INPP4B: variants seen among roughly 807,000 people sequenced by gnomAD.
The protein encoded by INPP4B is inositol polyphosphate 4-phosphatase type II.
Under a neutral mutation model 122.5 loss-of-function variants are expected in INPP4B, and 55 were observed. The ratio of observed to expected loss-of-function variants is 0.45; its 90% CI spans 0.36 to 0.56. The LOEUF (loss-of-function observed/expected upper bound fraction) is 0.56. Ranked by LOEUF, INPP4B falls within the 20% of genes least tolerant of loss-of-function variation. INPP4B has a pLI of 0.00. For synonymous variants in INPP4B, 403 were observed against 388.7 expected, an observed-to-expected ratio of 1.04 and a Z score of -0.43; for missense variants, 1,000 against 1,097.7, an observed-to-expected ratio of 0.91 and a Z score of 1.26.
intron 7 of INPP4B, among the ~76,000 whole-genome samples, chr4:142,363,063 T>C (rs1297469520): frequency 6.6e-6 from 1 of 152,050 alleles, no homozygotes; most frequent in Non-Finnish European, 1.5e-5. Flanking sequence ...GTGATCTCCC[T>C]GTACTTTTAT....
At chr4:142,273,645 G>A (rs1746986199) in intron 9 of INPP4B, among the ~76,000 whole-genome samples, 1 of 151,628 alleles carries the variant, frequency 6.6e-6, no homozygotes, top group Non-Finnish European at 1.5e-5. Context: ...CCTTCCTTTT[G>A]GGTTTCCTAT....
intron 2 of INPP4B, among the ~76,000 whole-genome samples, chr4:142,643,146 T>G (rs949599464): frequency 6.6e-6 from 1 of 152,154 alleles, no homozygotes; most frequent in Non-Finnish European, 1.5e-5. Context: ...TGAAGTTACT[T>G]ATCAGCTTAA....
intron 2 of INPP4B, among the ~76,000 whole-genome samples, chr4:142,624,804 C>A (rs1467612595): frequency 6.6e-6 from 1 of 152,138 alleles, no homozygotes; most frequent in Non-Finnish European, 1.5e-5. Flanking sequence ...GGCTTCATCC[C>A]TGGGATGCAA....
intron 7 of INPP4B, among the ~76,000 whole-genome samples, chr4:142,386,991 G>C (rs906402132): frequency 1.3e-5 from 2 of 152,192 alleles, no homozygotes; most frequent in East Asian, 1.9e-4. Flanking sequence ...AGAGCTCTAC[G>C]GGTTTGTGTT....
chr4:142,826,496 TCACACACA>T (rs34633285), intron 1 of INPP4B, among the ~76,000 whole-genome samples: 2 of 148,954 alleles, frequency 1.3e-5, no homozygotes. Context: ...GTTCATAAAA[TCACACACA>T]CACACACACA....
At chr4:142,067,617 G>A (rs148095663) in intron 25 of INPP4B, among the ~76,000 whole-genome samples, 2,382 of 152,190 alleles carry the variant, frequency 0.016, 80 homozygotes, top group African/African-American at 0.055. Flanking sequence ...TAGAATAAAC[G>A]GTGTAGAGAA....
At chr4:142,288,766 C>G (rs181691678) in intron 9 of INPP4B, among the ~76,000 whole-genome samples, 1 of 152,086 alleles carries the variant, frequency 6.6e-6, no homozygotes, top group East Asian at 1.9e-4. Flanking sequence ...TGCTCAACAC[C>G]TCTAAACTTA....
intron 1 of INPP4B, among the ~76,000 whole-genome samples, chr4:142,828,253 A>G (rs1467174479): frequency 6.6e-6 from 1 of 152,162 alleles, no homozygotes; most frequent in East Asian, 1.9e-4. Context: ...GTATATGAGA[A>G]TAGATATTAA....
chr4:142,357,399 G>A (rs1783964754), intron 7 of INPP4B, among the ~76,000 whole-genome samples: 1 of 151,982 alleles, frequency 6.6e-6, no homozygotes, highest in Non-Finnish European at 1.5e-5. Flanking sequence ...TGGGAGAATT[G>A]TTTGATGTGG....
At chr4:142,293,790 A>T (rs1757427604) in intron 9 of INPP4B, among the ~76,000 whole-genome samples, 1 of 152,232 alleles carries the variant, frequency 6.6e-6, no homozygotes, top group Non-Finnish European at 1.5e-5. Context: ...GTACGCTACA[A>T]AGGGTAATAC....
At chr4:142,473,911 C>T (rs1819362068) in intron 2 of INPP4B, among the ~76,000 whole-genome samples, 1 of 152,188 alleles carries the variant, frequency 6.6e-6, no homozygotes, top group Admixed American at 6.5e-5. Flanking sequence ...GGTGACCCCA[C>T]CCACCCTTGC....
At chr4:142,551,201 G>A (rs940153934) in intron 2 of INPP4B, among the ~76,000 whole-genome samples, 14 of 152,178 alleles carry the variant, frequency 9.2e-5, no homozygotes, top group South Asian at 2.1e-4. Flanking sequence ...CTTGGACGAC[G>A]CCCTTGTCCC....
intron 2 of INPP4B, among the ~76,000 whole-genome samples, chr4:142,554,138 G>A (rs182245780): frequency 1.5e-3 from 222 of 143,424 alleles, no homozygotes; most frequent in African/African-American, 4.3e-3. Flanking sequence ...GCAGTGAGCC[G>A]ATATTGCCCA....
intron 1 of INPP4B, among the ~76,000 whole-genome samples, chr4:142,824,940 A>G (rs1162232785): frequency 6.6e-6 from 1 of 151,948 alleles, no homozygotes; most frequent in Non-Finnish European, 1.5e-5. Context: ...ACTTTTTTTT[A>G]AGTTTTTTTC....
In INPP4B at chr4:142,112,575, A is replaced by T. The variant is rs1170609049; in HGVS notation, c.2243T>A (p.Val748Asp). ...CAGAGTTTGCTGTTCATTGATTCCA[A>T]CATTAAAAAGTACTGGATACACATG... Reference protein sequence around the residue: ...LLHVYPVLFNVGINEQQTLAE... With the variant: ...LLHVYPVLFNDGINEQQTLAE... Residue 748 changes from valine (V) to aspartate (D), a missense_variant, in exon 22 of 26, where the codon GTT becomes GAT. Coordinates refer to ENST00000262992, the MANE Select transcript of INPP4B (RefSeq NM_001101669.3). 6.2e-7 allele frequency: 1 copy of T among 1,613,194 alleles called. No individual in the cohort carries two copies. The highest frequency in any genetic ancestry group is 1.7e-5 in the Admixed American group (1 of 59,922).
chr4:142,729,316 T>C (rs2088023895), intron 1 of INPP4B, among the ~76,000 whole-genome samples: 1 of 152,144 alleles, frequency 6.6e-6, no homozygotes, highest in African/African-American at 2.4e-5. Flanking sequence ...TCAAACACAT[T>C]CTCAACTTAG....
chr4:142,794,773 A>G (rs982257433), intron 1 of INPP4B, among the ~76,000 whole-genome samples: 1 of 151,946 alleles, frequency 6.6e-6, no homozygotes, highest in African/African-American at 2.4e-5. Context: ...AAGAAATATC[A>G]CAACTCTTCA....
chr4:142,622,725 T>C (rs563724519), intron 2 of INPP4B, among the ~76,000 whole-genome samples: 17 of 152,032 alleles, frequency 1.1e-4, no homozygotes, highest in South Asian at 6.2e-4. Context: ...CTATAGAAAA[T>C]AGAGTTTACT....
chr4:142,266,135 C>T (rs1742676687), intron 10 of INPP4B, among the ~76,000 whole-genome samples: 1 of 152,072 alleles, frequency 6.6e-6, no homozygotes, highest in Admixed American at 6.6e-5. Context: ...CTTCCGAATC[C>T]TCCTTCCTTG....
Sources: allele counts gnomAD v4.1 joint callset (sites outside exome capture counted in the v4.1 genomes callset), GRCh38; gene constraint gnomAD v4.1.1; transcripts MANE v1.5; gene names NCBI Gene and HGNC (gene_info 2026-07-23, HGNC 2026-07-21).